The following DLG2 variants were observed in gnomAD, a reference collection of about 807,000 sequenced individuals.
The protein encoded by DLG2 is discs large MAGUK scaffold protein 2.
A neutral mutation model predicts 132.5 loss-of-function variants in DLG2; 45 were observed. The ratio of observed to expected loss-of-function variants is 0.34; its 90% CI spans 0.27 to 0.44. The LOEUF (loss-of-function observed/expected upper bound fraction) is 0.44. Among genes scored for constraint, DLG2 ranks in the 20% least tolerant of loss-of-function variants. The probability of loss-of-function intolerance (pLI) is 1.00; values close to 1 mark genes in which losing one functional copy is unlikely to be tolerated. For synonymous variants in DLG2, 424 were observed against 419.6 expected (o/e 1.01, Z -0.13); for missense variants, 1,045 against 1,196.9 (o/e 0.87, Z 1.87).
chr11:85,072,065 T>C (rs1162496562), intron 6 of DLG2, among the ~76,000 whole-genome samples: 2 of 151,840 alleles, frequency 1.3e-5, no homozygotes, highest in Non-Finnish European at 2.9e-5. Context: ...TAGATTGCAA[T>C]AAAACATGAA....
intron 8 of DLG2, among the ~76,000 whole-genome samples, chr11:84,212,691 G>T (rs1404090545): frequency 1.3e-5 from 2 of 152,116 alleles, no homozygotes; most frequent in African/African-American, 2.4e-5. Context: ...CAAGAGTCTC[G>T]CTCTGTTACT....
intron 6 of DLG2, among the ~76,000 whole-genome samples, chr11:85,076,401 T>A (rs577055941): frequency 1.3e-5 from 2 of 152,056 alleles, no homozygotes; most frequent in African/African-American, 4.8e-5. Context: ...TTTTCAAGTT[T>A]CATTCAGGAA....
intron 18 of DLG2, among the ~76,000 whole-genome samples, chr11:83,663,171 G>A (rs2074748801): frequency 6.6e-6 from 1 of 152,230 alleles, no homozygotes; most frequent in Admixed American, 6.5e-5. Flanking sequence ...CATTCAGTGG[G>A]CATTATTATC....
chr11:84,366,122 A>C (rs2098680812), intron 7 of DLG2, among the ~76,000 whole-genome samples: 2 of 152,288 alleles, frequency 1.3e-5, no homozygotes, highest in South Asian at 4.1e-4. Flanking sequence ...CTCTCGGCAG[A>C]AACTCTACAA....
intron 4 of DLG2, among the ~76,000 whole-genome samples, chr11:85,259,248 A>T (rs2076818709): frequency 6.6e-6 from 1 of 151,904 alleles, no homozygotes; most frequent in Non-Finnish European, 1.5e-5. Flanking sequence ...AAAGTGTGTA[A>T]CACCACCCCC....
chr11:83,779,051 TTTTA>T (rs1361478868), intron 18 of DLG2, among the ~76,000 whole-genome samples: 1 of 152,122 alleles, frequency 6.6e-6, no homozygotes, highest in Non-Finnish European at 1.5e-5. Flanking sequence ...TCATGTAAAG[TTTTA>T]TTTAAGTTTC....
intron 7 of DLG2, among the ~76,000 whole-genome samples, chr11:84,475,116 C>A (rs143052242): frequency 1.3e-5 from 2 of 152,116 alleles, no homozygotes; most frequent in Non-Finnish European, 1.5e-5. Flanking sequence ...TGAGCTCCAA[C>A]GAGTTGTAAC....
intron 6 of DLG2, among the ~76,000 whole-genome samples, chr11:84,557,798 T>C (rs1464642503): frequency 3.3e-5 from 5 of 152,236 alleles, no homozygotes; most frequent in Admixed American, 6.5e-5. Context: ...AGAACATATA[T>C]ACCTAGGAGA....
intron 8 of DLG2, among the ~76,000 whole-genome samples, chr11:84,250,128 C>T (rs896110004): frequency 2.6e-5 from 4 of 152,194 alleles, no homozygotes; most frequent in African/African-American, 9.7e-5. Context: ...ACAGTGTTTG[C>T]ACTTTTGAAA....
At chr11:83,867,873 T>C (rs886563125) in intron 16 of DLG2, among the ~76,000 whole-genome samples, 17 of 152,114 alleles carry the variant, frequency 1.1e-4, no homozygotes, top group African/African-American at 4.1e-4. Flanking sequence ...AAGATTGCTG[T>C]GATGACACCT....
At chr11:84,132,245 T>C (rs2094448255) in intron 9 of DLG2, among the ~76,000 whole-genome samples, 1 of 151,972 alleles carries the variant, frequency 6.6e-6, no homozygotes. Flanking sequence ...ATTAAAAAAA[T>C]GTTCAGTTTC....
intron 3 of DLG2, among the ~76,000 whole-genome samples, chr11:85,423,836 T>G (rs1009537335): frequency 6.6e-6 from 1 of 152,128 alleles, no homozygotes. Context: ...GGCTGAGAAC[T>G]TGCCCCACTA....
At chr11:84,270,693 C>T (rs1261608983) in intron 7 of DLG2, among the ~76,000 whole-genome samples, 2 of 152,138 alleles carry the variant, frequency 1.3e-5, no homozygotes, top group Non-Finnish European at 2.9e-5. Context: ...TCTAACGATG[C>T]GTTAGGAATC....
intron 6 of DLG2, among the ~76,000 whole-genome samples, chr11:84,919,538 C>T (rs1052452323): frequency 1.3e-5 from 2 of 152,108 alleles, no homozygotes; most frequent in African/African-American, 4.8e-5. Context: ...GACTCTGCTT[C>T]TGACACACTG....
chr11:85,481,397 A>T (rs891940019), intron 3 of DLG2, among the ~76,000 whole-genome samples: 10 of 152,204 alleles, frequency 6.6e-5, no homozygotes, highest in African/African-American at 1.4e-4. Context: ...AAACCAAGAG[A>T]TTACAGCACC....
chr11:84,844,101 ATGTTTGTGTG>A (rs1429319498), intron 6 of DLG2, among the ~76,000 whole-genome samples: 1 of 79,864 alleles, frequency 1.3e-5, no homozygotes, highest in Non-Finnish European at 2.7e-5. Context: ...ATATATATAT[ATGTTTGTGTG>A]TGTGTGTGTG....
intron 6 of DLG2, chr11:85,021,361 T>C: frequency 1.5e-6 from 2 of 1,321,382 alleles, no homozygotes; most frequent in Non-Finnish European, 2.2e-6. Flanking sequence ...TGCAGATCGT[T>C]TCACACCTGC....
intron 6 of DLG2, among the ~76,000 whole-genome samples, chr11:84,951,268 A>C (rs1358070573): frequency 1.3e-5 from 2 of 152,218 alleles, no homozygotes; most frequent in Non-Finnish European, 2.9e-5. Flanking sequence ...AGCATCCTAT[A>C]TGGCAAGATC....
At chr11:84,582,589 T>C (rs1285948205) in intron 6 of DLG2, among the ~76,000 whole-genome samples, 8 of 151,130 alleles carry the variant, frequency 5.3e-5, no homozygotes, top group East Asian at 1.9e-4. Context: ...TAAGGAAGTA[T>C]AACCATAATT....
Sources: allele counts gnomAD v4.1 joint callset (sites outside exome capture counted in the v4.1 genomes callset), GRCh38; gene constraint gnomAD v4.1.1; transcripts MANE v1.5; gene names NCBI Gene and HGNC (gene_info 2026-07-23, HGNC 2026-07-21).